CDH12: variants seen among roughly 807,000 people sequenced by gnomAD.
CDH12 encodes the protein cadherin-12.
A neutral mutation model predicts 74.1 loss-of-function variants in CDH12; 41 were observed. The observed-to-expected ratio is 0.55, with a 90% CI of 0.43 to 0.72. The LOEUF is 0.72. Ranked by LOEUF, CDH12 falls within the 30% of genes least tolerant of loss-of-function variation. The pLI, the probability that CDH12 is intolerant of heterozygous loss-of-function variation, is 0.00. For synonymous variants in CDH12, 399 were observed against 355.0 expected, an observed-to-expected ratio of 1.12 and a Z score of -1.39; for missense variants, 945 against 977.2, an observed-to-expected ratio of 0.97 and a Z score of 0.44.
intron 6 of CDH12, among the ~76,000 whole-genome samples, chr5:21,860,488 C>A (rs1579851330): frequency 6.6e-6 from 1 of 151,916 alleles, no homozygotes. Context: ...TTGAAGGATG[C>A]AAATTATTTT....
intron 3 of CDH12, among the ~76,000 whole-genome samples, chr5:22,386,874 C>A (rs868151261): frequency 1.3e-5 from 2 of 151,606 alleles, no homozygotes; most frequent in Non-Finnish European, 1.5e-5. Flanking sequence ...TTTAAAAAAG[C>A]AAATTTGAGA....
chr5:21,772,077 CT>C (rs2149884560), intron 11 of CDH12, among the ~76,000 whole-genome samples: 1 of 151,912 alleles, frequency 6.6e-6, no homozygotes, highest in African/African-American at 2.4e-5. Flanking sequence ...TTCAGATTTA[CT>C]TTGGAATCCT....
At chr5:22,180,666 C>T (rs576458162) in intron 4 of CDH12, among the ~76,000 whole-genome samples, 3 of 152,102 alleles carry the variant, frequency 2.0e-5, no homozygotes, top group East Asian at 1.9e-4. Flanking sequence ...GCATGCACCA[C>T]AATGCCTGGC....
intron 9 of CDH12, among the ~76,000 whole-genome samples, chr5:21,808,291 A>G (rs116017522): frequency 0.034 from 5,100 of 152,120 alleles, 101 homozygotes; most frequent in African/African-American, 0.049. Context: ...CAGTTATGCC[A>G]TATTATGACT....
intron 1 of CDH12, among the ~76,000 whole-genome samples, chr5:22,557,546 G>A (rs1738851267): frequency 6.6e-6 from 1 of 152,030 alleles, no homozygotes; most frequent in African/African-American, 2.4e-5. Context: ...GGAAAAAGAA[G>A]GAAGAATACG....
chr5:22,678,451 C>A (rs1176908807), intron 1 of CDH12, among the ~76,000 whole-genome samples: 1 of 152,038 alleles, frequency 6.6e-6, no homozygotes, highest in Non-Finnish European at 1.5e-5. Flanking sequence ...TTCAATTCTA[C>A]AAATCATATG....
chr5:22,772,449 T>C lies in CDH12; in HGVS notation c.-523+80609A>G, dbSNP rs140938263. On this transcript the variant is annotated intron_variant, in intron 1 of 14. Coordinates refer to ENST00000382254, the MANE Select transcript of CDH12 (RefSeq NM_004061.5). ...AACTACCAGACACCAAGGAGTTCAT[T>C]TGAAAATGACCAAATAAGGGAAGCA... Among the ~76,000 whole-genome samples, 815 of 152,072 alleles carry C rather than the reference T, an allele frequency of 5.4e-3. 3 individuals are homozygous for C. Among genetic ancestry groups the C allele is most frequent in the Non-Finnish European group, 7.8e-3 (532 of 67,956 alleles).
chr5:22,774,508 A>G (rs888835904), intron 1 of CDH12, among the ~76,000 whole-genome samples: 2 of 151,956 alleles, frequency 1.3e-5, no homozygotes, highest in African/African-American at 4.8e-5. Context: ...ACCCAATGGG[A>G]GGTAATTGAA....
chr5:22,132,763 G>C (rs1007594613), intron 4 of CDH12, among the ~76,000 whole-genome samples: 1 of 152,084 alleles, frequency 6.6e-6, no homozygotes, highest in African/African-American at 2.4e-5. Context: ...CACTGAAGGA[G>C]TGAGGGAGTC....
chr5:21,812,763 T>G lies in CDH12; in HGVS notation c.1002+4182A>C, dbSNP rs528804051. Reference sequence around the variant, plus strand: ...ATAGGTGGACAGTTTTTAAGTTTCATTACAAAAATGTCCTCCTGAGTTATT... The same window carrying G: ...ATAGGTGGACAGTTTTTAAGTTTCAGTACAAAAATGTCCTCCTGAGTTATT... On this transcript the variant is annotated intron_variant, in intron 9 of 14. Coordinates refer to ENST00000382254, the MANE Select transcript of CDH12 (RefSeq NM_004061.5). 2.0e-5 allele frequency among the ~76,000 whole-genome samples: 3 copies of G among 152,264 alleles called. No homozygotes were observed. The South Asian group carries it at 6.2e-4, about 32-fold the overall frequency.
chr5:22,123,920 GT>G (rs1219825146), intron 4 of CDH12, among the ~76,000 whole-genome samples: 5 of 151,342 alleles, frequency 3.3e-5, no homozygotes, highest in Admixed American at 2.6e-4. Flanking sequence ...GTTTCCTTGA[GT>G]TTTTTAATTT....
At chr5:22,134,958 T>C (rs1746372097) in intron 4 of CDH12, among the ~76,000 whole-genome samples, 1 of 152,076 alleles carries the variant, frequency 6.6e-6, no homozygotes, top group Non-Finnish European at 1.5e-5. Context: ...ATGGAGTTTT[T>C]AAAACCTGCT....
At chr5:22,248,866 T>C (rs182459779) in intron 3 of CDH12, among the ~76,000 whole-genome samples, 21 of 152,148 alleles carry the variant, frequency 1.4e-4, no homozygotes, top group African/African-American at 4.6e-4. Flanking sequence ...TAATCATTTA[T>C]ATTACAAATA....
At chr5:22,601,169 T>A (rs1011005587) in intron 1 of CDH12, among the ~76,000 whole-genome samples, 1 of 152,088 alleles carries the variant, frequency 6.6e-6, no homozygotes, top group African/African-American at 2.4e-5. Context: ...TTTTTAACCA[T>A]ATGATCCTAT....
chr5:22,219,408 TCA>T (rs1038389159), intron 3 of CDH12, among the ~76,000 whole-genome samples: 2 of 151,706 alleles, frequency 1.3e-5, no homozygotes, highest in African/African-American at 4.8e-5. Flanking sequence ...CATTCTCCTC[TCA>T]GTTATACTGA....
At chr5:21,896,315 T>A (rs1288326768) in intron 6 of CDH12, among the ~76,000 whole-genome samples, 1 of 152,188 alleles carries the variant, frequency 6.6e-6, no homozygotes, top group African/African-American at 2.4e-5. Context: ...CCAACTCTTT[T>A]CCAAACATAG....
intron 3 of CDH12, among the ~76,000 whole-genome samples, chr5:22,313,921 A>C (rs1244116979): frequency 2.0e-5 from 3 of 152,136 alleles, no homozygotes; most frequent in Non-Finnish European, 4.4e-5. Context: ...CCAATATATA[A>C]TTTGCCCATG....
chr5:22,712,692 A>G (rs757792349), intron 1 of CDH12, among the ~76,000 whole-genome samples: 1 of 152,188 alleles, frequency 6.6e-6, no homozygotes, highest in Non-Finnish European at 1.5e-5. Context: ...AGTACACATT[A>G]AAGGCTCTTT....
intron 2 of CDH12, among the ~76,000 whole-genome samples, chr5:22,437,960 A>T (rs1035144420): frequency 4.6e-5 from 7 of 152,086 alleles, no homozygotes; most frequent in African/African-American, 1.7e-4. Context: ...AATTTATTCA[A>T]TAGAGCCTTG....
Sources: gnomAD v4.1 joint callset for allele counts (sites outside exome capture counted in the v4.1 genomes callset) on GRCh38, gnomAD v4.1.1 for gene constraint, MANE v1.5 for transcripts, NCBI Gene and HGNC (gene_info 2026-07-23, HGNC 2026-07-21) for gene names.